FAM199X: variants seen among roughly 807,000 people sequenced by gnomAD.
FAM199X encodes family with sequence similarity 199, X-linked.
In FAM199X, 4 loss-of-function variants were observed where a neutral mutation model predicts 22.9. That is an observed-to-expected ratio of 0.17 (90% CI 0.09 to 0.40). FAM199X has a LOEUF of 0.40. Ranked by LOEUF, FAM199X falls within the 10% of genes least tolerant of loss-of-function variation. The pLI is 1.00. For synonymous variants in FAM199X, 101 were observed against 112.3 expected, an observed-to-expected ratio of 0.90 and a Z score of 0.64; for missense variants, 183 against 306.8, an observed-to-expected ratio of 0.60 and a Z score of 3.01.
chrX:104,175,690 G>T lies in FAM199X; in HGVS notation c.265G>T (p.Val89Leu). 2.5e-6 allele frequency: 3 copies of T among 1,211,246 alleles called. No homozygotes were observed. Among genetic ancestry groups the T allele is most frequent in the Non-Finnish European group, 3.4e-6 (3 of 895,087 alleles). Residue 89 changes from valine (V) to leucine (L), a missense_variant, in exon 2 of 6, where the codon GTG becomes TTG. By Grantham distance (32) the Val-to-Leu change is conservative. This residue lies in a region of FAM199X where 128 missense variants were observed against 246.2 expected (regional missense o/e 0.52). Coordinates refer to ENST00000493442, the MANE Select transcript of FAM199X (RefSeq NM_207318.4). The stretch of plus-strand genomic sequence containing the variant: ...AGGCAGTGAGGAGCTGTTTTCATCT[G>T]TGTCTGTTGGAGATCAAGATGATTG... ...SEGSEELFSS[V>L]SVGDQDDCYS... is the part of the protein sequence containing the mutation.
intron 5 of FAM199X, 96 bp downstream of exon 5, chrX:104,188,402 C>G (rs1293342946): frequency 7.7e-6 from 8 of 1,033,252 alleles, no homozygotes; most frequent in African/African-American, 5.6e-5. Flanking sequence ...ATCCTGCTGT[C>G]TAGTTGCCTG....
chrX:104,187,318 G>A (rs1035330796), intron 4 of FAM199X, among the ~76,000 whole-genome samples: 1 of 111,060 alleles, frequency 9.0e-6, no homozygotes, highest in African/African-American at 3.3e-5. Context: ...TCCTGACCTC[G>A]TGACCCACCT....
chrX:104,178,877 C>T (rs190057186), intron 2 of FAM199X, among the ~76,000 whole-genome samples: 3 of 111,662 alleles, frequency 2.7e-5, no homozygotes, highest in African/African-American at 9.8e-5. Flanking sequence ...TCTGTAATCC[C>T]AGCACTTTGA....
upstream of FAM199X, among the ~76,000 whole-genome samples, chrX:104,164,810 G>C (rs1921118038): frequency 9.0e-6 from 1 of 111,470 alleles, no homozygotes; most frequent in Admixed American, 9.5e-5. Context: ...AACCCGGGAG[G>C]TGGGGGTTGC....
At chrX:104,171,448 G>A (rs1921351030) in intron 1 of FAM199X, among the ~76,000 whole-genome samples, 1 of 111,677 alleles carries the variant, frequency 9.0e-6, no homozygotes, top group Non-Finnish European at 1.9e-5. Context: ...GTAAGGGCTT[G>A]TAAATTTAAA....
chrX:104,168,823 G>A (rs115806199), intron 1 of FAM199X, among the ~76,000 whole-genome samples: 2,524 of 108,844 alleles, frequency 0.023, 63 homozygotes, highest in African/African-American at 0.08. Flanking sequence ...GGAGAAGGAG[G>A]TTCTTTGCAA....
intron 2 of FAM199X, among the ~76,000 whole-genome samples, chrX:104,182,940 T>G (rs1921700297): frequency 9.0e-6 from 1 of 111,174 alleles, no homozygotes; most frequent in Non-Finnish European, 1.9e-5. Flanking sequence ...AGAAACAAAC[T>G]AACCTACACA....
intron 1 of FAM199X, among the ~76,000 whole-genome samples, chrX:104,170,391 A>G (rs1269166076): frequency 9.0e-6 from 1 of 111,322 alleles, no homozygotes; most frequent in Non-Finnish European, 1.9e-5. Context: ...ATGGGGGGTT[A>G]GGATTTGGAG....
the FAM199X span, among the ~76,000 whole-genome samples, chrX:104,157,564 T>C: frequency 1.8e-5 from 2 of 112,157 alleles, no homozygotes; most frequent in East Asian, 5.5e-4. Flanking sequence ...CCTCCAGAGT[T>C]GCAGTAAAAA....
chrX:104,183,675 G>A (rs533656315), intron 2 of FAM199X, among the ~76,000 whole-genome samples: 2 of 111,433 alleles, frequency 1.8e-5, no homozygotes, highest in South Asian at 7.5e-4. Flanking sequence ...ATGTTGGCCA[G>A]GCTGGTCTCG....
At chrX:104,182,407 A>G (rs782639175) in intron 2 of FAM199X, among the ~76,000 whole-genome samples, 13 of 110,554 alleles carry the variant, frequency 1.2e-4, no homozygotes, top group African/African-American at 2.0e-4. Flanking sequence ...TCCTCACTCT[A>G]TTTTGTCCCC....
At chrX:104,171,657 A>G (rs1921356687) in intron 1 of FAM199X, among the ~76,000 whole-genome samples, 1 of 112,373 alleles carries the variant, frequency 8.9e-6, no homozygotes, top group African/African-American at 3.2e-5. Flanking sequence ...TAATGTGTCT[A>G]TGTACAGATA....
chrX:104,181,323 T>G (rs922664402), intron 2 of FAM199X, among the ~76,000 whole-genome samples: 2 of 112,355 alleles, frequency 1.8e-5, no homozygotes, highest in African/African-American at 6.5e-5. Context: ...AAATATAGTA[T>G]CAGTTATAAA....
At chrX:104,187,995 A>G in intron 4 of FAM199X, 45 bp from the exon 5 acceptor site, 1 of 1,181,210 alleles carries the variant, frequency 8.5e-7, no homozygotes, top group Non-Finnish European at 1.1e-6. Context: ...TGAAGGTAGA[A>G]CATCAAGGTG....
At chrX:104,177,445 GTGGA>G (rs1556376724) in intron 2 of FAM199X, among the ~76,000 whole-genome samples, 4 of 112,092 alleles carry the variant, frequency 3.6e-5, no homozygotes, top group Non-Finnish European at 5.6e-5. Flanking sequence ...AAGTTTCTAT[GTGGA>G]TTTATATTTT....
At chrX:104,178,019 T>TGAG (rs1189124430) in intron 2 of FAM199X, among the ~76,000 whole-genome samples, 2 of 112,231 alleles carry the variant, frequency 1.8e-5, no homozygotes, top group Non-Finnish European at 3.8e-5. Flanking sequence ...TAATCCAAGA[T>TGAG]GAGGAAGATT....
chrX:104,162,094 A>G (rs782346015), upstream of FAM199X, among the ~76,000 whole-genome samples: 1 of 112,014 alleles, frequency 8.9e-6, no homozygotes, highest in African/African-American at 3.2e-5. Flanking sequence ...GTTCACACCC[A>G]GGTTCCCAAT....
At chrX:104,173,681 T>C (rs1602515497) in intron 1 of FAM199X, among the ~76,000 whole-genome samples, 1 of 111,943 alleles carries the variant, frequency 8.9e-6, no homozygotes, top group East Asian at 2.8e-4. Flanking sequence ...TAAATAATTA[T>C]CTTAAGGATT....
At chrX:104,169,163 T>C (rs1279098989) in intron 1 of FAM199X, among the ~76,000 whole-genome samples, 1 of 111,980 alleles carries the variant, frequency 8.9e-6, no homozygotes, top group Non-Finnish European at 1.9e-5. Flanking sequence ...CTAAATCATA[T>C]ATCGGGCAAA....
Sources: allele counts gnomAD v4.1 joint callset (sites outside exome capture counted in the v4.1 genomes callset), GRCh38; gene constraint gnomAD v4.1.1; regional missense constraint gnomAD v4.1.1; transcripts MANE v1.5; gene names NCBI Gene and HGNC (gene_info 2026-07-23, HGNC 2026-07-21).